The following STARD13 variants were observed in gnomAD, a reference collection of about 807,000 sequenced individuals.
STARD13 encodes StAR related lipid transfer domain containing 13.
In STARD13, 62 loss-of-function variants were observed where a neutral mutation model predicts 106.4. The ratio of observed to expected loss-of-function variants is 0.58; its 90% CI spans 0.48 to 0.72. The LOEUF (loss-of-function observed/expected upper bound fraction) is 0.72, where lower values mean the gene tolerates loss of function less well. Among genes scored for constraint, STARD13 ranks in the 30% least tolerant of loss-of-function variants. The probability of loss-of-function intolerance (pLI) is 0.00; values close to 1 mark genes in which losing one functional copy is unlikely to be tolerated. For synonymous variants in STARD13, 565 were observed against 553.0 expected (o/e 1.02, Z -0.31); for missense variants, 1,387 against 1,424.0 (o/e 0.97, Z 0.42).
the STARD13 span, among the ~76,000 whole-genome samples, chr13:33,483,901 T>C: frequency 6.6e-5 from 10 of 152,344 alleles, no homozygotes; most frequent in Middle Eastern, 0.01. Flanking sequence ...ATATGAAAAG[T>C]ATATGATTTT....
At chr13:33,602,320 T>C in the STARD13 span, among the ~76,000 whole-genome samples, 1 of 152,206 alleles carries the variant, frequency 6.6e-6, no homozygotes, top group Non-Finnish European at 1.5e-5. Context: ...CTCGATCTCC[T>C]GACCTCGTGA....
chr13:33,261,407 C>A (rs1017162222), intron 1 of STARD13, among the ~76,000 whole-genome samples: 2 of 152,194 alleles, frequency 1.3e-5, no homozygotes, highest in Admixed American at 6.5e-5. Context: ...CATACACAGA[C>A]AAGAGATCTC....
chr13:33,572,649 G>A, the STARD13 span, among the ~76,000 whole-genome samples: 1 of 152,122 alleles, frequency 6.6e-6, no homozygotes, highest in South Asian at 2.1e-4. Context: ...TCTAAATGCA[G>A]CCAGCCCTCT....
intron 1 of STARD13, among the ~76,000 whole-genome samples, chr13:33,223,293 G>A (rs1320664647): frequency 1.3e-5 from 2 of 152,182 alleles, no homozygotes; most frequent in Non-Finnish European, 1.5e-5. Context: ...AAACAAAACT[G>A]AAAGCAACCT....
At chr13:33,368,172 A>C in the STARD13 span, among the ~76,000 whole-genome samples, 1 of 152,102 alleles carries the variant, frequency 6.6e-6, no homozygotes, top group Non-Finnish European at 1.5e-5. Context: ...AGCCCCCACT[A>C]ACTCTTTGCA....
At chr13:33,296,454 G>A (rs1272186497) in intron 1 of STARD13, among the ~76,000 whole-genome samples, 3 of 151,774 alleles carry the variant, frequency 2.0e-5, no homozygotes, top group Non-Finnish European at 4.4e-5. Flanking sequence ...GTGTGTGTGT[G>A]GTGACAGTTG....
intron 1 of STARD13, among the ~76,000 whole-genome samples, chr13:33,231,366 G>T (rs1175867889): frequency 6.6e-6 from 1 of 152,160 alleles, no homozygotes; most frequent in African/African-American, 2.4e-5. Flanking sequence ...CTGGCACATG[G>T]GTGGTGGCTG....
At chr13:33,629,508 T>C in the STARD13 span, among the ~76,000 whole-genome samples, 1 of 152,366 alleles carries the variant, frequency 6.6e-6, no homozygotes, top group South Asian at 2.1e-4. Context: ...AACATAAATA[T>C]TCAAATGATT....
chr13:33,283,400 G>C (rs183716629), intron 1 of STARD13, among the ~76,000 whole-genome samples: 1 of 152,100 alleles, frequency 6.6e-6, no homozygotes, highest in Non-Finnish European at 1.5e-5. Flanking sequence ...AAATCTGTGT[G>C]CCTCTGTTTT....
the STARD13 span, among the ~76,000 whole-genome samples, chr13:33,397,747 T>A: frequency 6.6e-6 from 1 of 152,134 alleles, no homozygotes; most frequent in Non-Finnish European, 1.5e-5. Flanking sequence ...TGCCATAGAC[T>A]GGGTGGCTTA....
chr13:33,620,276 TTTC>T, the STARD13 span, among the ~76,000 whole-genome samples: 1 of 149,596 alleles, frequency 6.7e-6, no homozygotes, highest in South Asian at 2.1e-4. Flanking sequence ...ATGTATTCTT[TTTC>T]TTTTTTCTTT....
intron 1 of STARD13, among the ~76,000 whole-genome samples, chr13:33,242,858 G>T (rs1889601336): frequency 6.6e-6 from 1 of 152,012 alleles, no homozygotes. Context: ...GATATATTTG[G>T]AGGCTTAGCT....
the STARD13 span, among the ~76,000 whole-genome samples, chr13:33,473,275 A>G: frequency 3.7e-4 from 56 of 152,244 alleles, no homozygotes; most frequent in Non-Finnish European, 3.2e-4. Context: ...TAATACTCAC[A>G]AAGTCCAGAA....
chr13:33,308,064 T>A (rs1892977877), intron 1 of STARD13, among the ~76,000 whole-genome samples: 1 of 152,144 alleles, frequency 6.6e-6, no homozygotes, highest in South Asian at 2.1e-4. Flanking sequence ...GAGACAGGAG[T>A]CCTGCTCCAC....
chr13:33,607,401 G>T, the STARD13 span, among the ~76,000 whole-genome samples: 1 of 151,240 alleles, frequency 6.6e-6, no homozygotes, highest in Non-Finnish European at 1.5e-5. Flanking sequence ...GGGTTCAAAT[G>T]ATTCTCCTGC....
chr13:33,366,251 G>C, the STARD13 span, among the ~76,000 whole-genome samples: 15 of 152,036 alleles, frequency 9.9e-5, no homozygotes, highest in African/African-American at 3.6e-4. This position sits in a 1 kb window ranked among gnomAD's most constrained non-coding sequence, Gnocchi z 4.2. Context: ...TATTAAGAAA[G>C]CTTAAGAAAG....
the STARD13 span, among the ~76,000 whole-genome samples, chr13:33,622,896 G>A: frequency 1.3e-5 from 2 of 149,232 alleles, no homozygotes; most frequent in Non-Finnish European, 3.0e-5. Context: ...CTCTAGCCTG[G>A]CGACAGAGCA....
chr13:33,508,706 G>A, the STARD13 span, among the ~76,000 whole-genome samples: 3 of 152,222 alleles, frequency 2.0e-5, no homozygotes, highest in East Asian at 1.9e-4. Flanking sequence ...AAAGCCGCCA[G>A]ATGAAAGATG....
chr13:33,190,370 A>G (rs75637330), intron 1 of STARD13, among the ~76,000 whole-genome samples: 1 of 152,154 alleles, frequency 6.6e-6, no homozygotes, highest in African/African-American at 2.4e-5. Flanking sequence ...GCAGTAAGCT[A>G]TGATCCTATC....
Sources: allele counts gnomAD v4.1 joint callset (sites outside exome capture counted in the v4.1 genomes callset), GRCh38; gene constraint gnomAD v4.1.1; non-coding constraint Gnocchi (gnomAD v3.1); transcripts MANE v1.5; gene names NCBI Gene and HGNC (gene_info 2026-07-23, HGNC 2026-07-21).